SLC9A2: variants seen among roughly 807,000 people sequenced by gnomAD.
The protein encoded by SLC9A2 is sodium/hydrogen exchanger 2.
Under a neutral mutation model 71.7 loss-of-function variants are expected in SLC9A2, and 42 were observed. The observed-to-expected ratio is 0.59, with a 90% CI of 0.46 to 0.76. The LOEUF is 0.76. Ranked by LOEUF, SLC9A2 falls within the 30% of genes least tolerant of loss-of-function variation. SLC9A2 has a pLI of 0.00. For synonymous variants in SLC9A2, 396 were observed against 392.5 expected (o/e 1.01, Z -0.10); for missense variants, 829 against 1,017.4 (o/e 0.81, Z 2.52).
chr2:102,688,573 C>CA (rs1262876238), intron 5 of SLC9A2, among the ~76,000 whole-genome samples: 1 of 152,034 alleles, frequency 6.6e-6, no homozygotes, highest in Non-Finnish European at 1.5e-5. Flanking sequence ...ACTAAAACTA[C>CA]AAAAATTAGC....
At chr2:102,622,676 G>C (rs1244275157) in intron 1 of SLC9A2, among the ~76,000 whole-genome samples, 1 of 152,114 alleles carries the variant, frequency 6.6e-6, no homozygotes, top group Non-Finnish European at 1.5e-5. Flanking sequence ...CTTTTGGGAG[G>C]ATTAAATGAG....
chr2:102,704,451 C>G (rs1056865452), intron 9 of SLC9A2, 93 bp from the exon 10 acceptor site: 5 of 1,263,660 alleles, frequency 4.0e-6, no homozygotes, highest in Non-Finnish European at 5.6e-6. Flanking sequence ...AGGTGCAGAT[C>G]CAAAGAAATG....
At chr2:102,702,263 AATT>A in intron 8 of SLC9A2, 140 bp from the exon 9 acceptor site, 1 of 544,082 alleles carries the variant, frequency 1.8e-6, no homozygotes, top group Non-Finnish European at 3.2e-6. Flanking sequence ...CAGAATTTGG[AATT>A]ATTTTAAGTT....
intron 1 of SLC9A2, among the ~76,000 whole-genome samples, chr2:102,643,143 G>A (rs1192514870): frequency 1.3e-5 from 2 of 152,176 alleles, no homozygotes; most frequent in South Asian, 2.1e-4. Context: ...TCAAAAGTGG[G>A]TTGCCTTGTG....
Position 102,657,929 on chromosome 2 carries a change from C to A in SLC9A2, c.655C>A (p.Pro219Thr). Residue 219 changes from proline (P) to threonine (T), a missense_variant, in exon 2 of 12, where the codon CCT (proline) becomes ACT (threonine). By Grantham distance (38) the Pro-to-Thr change is conservative. Around this residue, in one of 3 missense-constraint regions of SLC9A2, gnomAD observed 500 missense variants for 726.3 expected, o/e 0.69. Coordinates refer to ENST00000233969, the MANE Select transcript of SLC9A2 (RefSeq NM_003048.6). Reference protein sequence around the residue: ...LFGSLISAVDPVAVLAVFENI... With the variant: ...LFGSLISAVDTVAVLAVFENI... ...TGGCAGCTTAATCTCAGCTGTCGAT[C>A]CTGTGGCTGTGCTTGCTGTCTTTGA... 1 of 1,614,222 alleles carries A rather than the reference C, an allele frequency of 6.2e-7. No individual in the cohort carries two copies. Among genetic ancestry groups the A allele is most frequent in the Admixed American group, 1.7e-5 (1 of 60,028 alleles).
intron 1 of SLC9A2, among the ~76,000 whole-genome samples, chr2:102,629,444 A>G (rs554754100): frequency 6.6e-6 from 1 of 152,204 alleles, no homozygotes; most frequent in African/African-American, 2.4e-5. Flanking sequence ...ATACTATCAA[A>G]TGAGTTATGT....
intron 7 of SLC9A2, among the ~76,000 whole-genome samples, chr2:102,695,814 A>ATATTAT (rs1246009785): frequency 1.8e-5 from 2 of 113,060 alleles, no homozygotes; most frequent in African/African-American, 7.0e-5. Context: ...ATATATATAT[A>ATATTAT]ATATATATAT....
rs1321572339 is a variant in SLC9A2, at chr2:102,683,194, T to C, written c.1005-67T>C. ...GTAGAGCCATAATTTAGCTCTTAAG[T>C]GCTATCTCTTGCATTCTGATTAAGA... On this transcript the variant is annotated intron_variant, in intron 3 of 11. Coordinates refer to ENST00000233969, the MANE Select transcript of SLC9A2 (RefSeq NM_003048.6). 3 of 1,091,622 alleles carry C rather than the reference T, an allele frequency of 2.7e-6. No homozygotes were observed. The Admixed American group carries it at 5.2e-5, about 19-fold the overall frequency. The allele number at this position is 1,091,622 out of a possible 1,614,324, so 67.6% of individuals were successfully genotyped here. A position where few individuals can be genotyped will look rare whatever the true frequency, so the allele number is the denominator to read the frequency against.
At chr2:102,681,701 C>A (rs1212597927) in intron 3 of SLC9A2, among the ~76,000 whole-genome samples, 3 of 152,182 alleles carry the variant, frequency 2.0e-5, no homozygotes, top group Non-Finnish European at 4.4e-5. Context: ...ATAAATTATG[C>A]ATTCTTCACT....
chr2:102,709,346 C>T lies in SLC9A2; in HGVS notation c.*857C>T, dbSNP rs896988989. ...TGTGGCAAGTAGGGCCACAGGGCAGCACCTGGTTACAACTTGCTGGTGGGT... is the reference window on the plus strand; with the variant it reads ...TGTGGCAAGTAGGGCCACAGGGCAGTACCTGGTTACAACTTGCTGGTGGGT... On this transcript the variant is annotated 3_prime_UTR_variant, in exon 12 of 12. Transcript: ENST00000233969. 2 of 152,062 alleles carry T rather than the reference C, an allele frequency of 1.3e-5. No homozygotes were observed. The highest frequency in any genetic ancestry group is 2.9e-5 in the Non-Finnish European group (2 of 68,058). 9.4% of individuals were successfully genotyped at this position (152,062 alleles called of 1,614,324 possible). A position where few individuals can be genotyped will look rare whatever the true frequency, so the allele number is the denominator to read the frequency against.
intron 1 of SLC9A2, among the ~76,000 whole-genome samples, chr2:102,649,718 A>G (rs1676795415): frequency 1.3e-5 from 2 of 152,270 alleles, no homozygotes; most frequent in Non-Finnish European, 2.9e-5. Context: ...AACATGAAAA[A>G]AAGCTCATCA....
intron 1 of SLC9A2, among the ~76,000 whole-genome samples, chr2:102,624,817 G>A (rs1014889786): frequency 2.0e-5 from 3 of 152,166 alleles, no homozygotes; most frequent in Middle Eastern, 3.2e-3. Flanking sequence ...GGGAAAGATA[G>A]AAAGCAGTTT....
chr2:102,640,618 T>G (rs954439551), intron 1 of SLC9A2, among the ~76,000 whole-genome samples: 6 of 152,074 alleles, frequency 3.9e-5, no homozygotes, highest in Non-Finnish European at 7.4e-5. Flanking sequence ...CAAGCTTCTA[T>G]TTCCTCTCAG....
intron 3 of SLC9A2, among the ~76,000 whole-genome samples, chr2:102,680,817 T>C (rs1452826240): frequency 1.3e-5 from 2 of 151,820 alleles, no homozygotes; most frequent in African/African-American, 4.9e-5. Flanking sequence ...GATATAATCA[T>C]AAGAGCCCTT....
Position 102,708,227 on chromosome 2 carries a change from C to T in SLC9A2, c.2177C>T (p.Ser726Phe). 2 of 1,614,152 alleles carry T rather than the reference C, an allele frequency of 1.2e-6. No homozygotes were observed. Among genetic ancestry groups the T allele is most frequent in the East Asian group, 2.2e-5 (1 of 44,884 alleles). The change falls in exon 12 of 12, where the codon TCC becomes TTC. Residue 726 changes from serine to phenylalanine, a missense_variant. Physicochemically the swap from Ser to Phe is radical, Grantham distance 155. Around this residue, in one of 3 missense-constraint regions of SLC9A2, gnomAD observed 223 missense variants for 197.5 expected, o/e 1.13. Transcript: ENST00000233969. ...CAGTTCTCCAAGAAATCCCCCCAGTCCTATAAAATGGAATGGAAGAATGAG... is the reference window on the plus strand; with the variant it reads ...CAGTTCTCCAAGAAATCCCCCCAGTTCTATAAAATGGAATGGAAGAATGAG... ...PEQFSKKSPQ[S>F]YKMEWKNEVD...
At chr2:102,698,054 GC>G (rs1677800899) in intron 7 of SLC9A2, among the ~76,000 whole-genome samples, 1 of 152,180 alleles carries the variant, frequency 6.6e-6, no homozygotes, top group African/African-American at 2.4e-5. Flanking sequence ...TAGAGCAGAT[GC>G]CATTGTTCTT....
chr2:102,672,496 C>G (rs1677272120), intron 3 of SLC9A2, among the ~76,000 whole-genome samples: 1 of 152,234 alleles, frequency 6.6e-6, no homozygotes, highest in East Asian at 1.9e-4. Flanking sequence ...GAAATGCTCT[C>G]CCCGCTCTGA....
At chr2:102,639,977 T>A (rs570237502) in intron 1 of SLC9A2, among the ~76,000 whole-genome samples, 60 of 152,242 alleles carry the variant, frequency 3.9e-4, no homozygotes, top group African/African-American at 1.1e-3. Context: ...AATAAAATAA[T>A]TAAAGATCAG....
intron 1 of SLC9A2, among the ~76,000 whole-genome samples, chr2:102,656,100 C>T (rs959564587): frequency 1.3e-5 from 2 of 152,240 alleles, no homozygotes; most frequent in African/African-American, 4.8e-5. Context: ...AGTTCTAAAA[C>T]GTATTGAATG....
Sources: allele counts gnomAD v4.1 joint callset (sites outside exome capture counted in the v4.1 genomes callset), GRCh38; gene constraint gnomAD v4.1.1; regional missense constraint gnomAD v4.1.1; transcripts MANE v1.5; gene names NCBI Gene and HGNC (gene_info 2026-07-23, HGNC 2026-07-21).